ANKRD16: variants seen among roughly 807,000 people sequenced by gnomAD.
The protein encoded by ANKRD16 is ankyrin repeat domain-containing protein 16.
A neutral mutation model predicts 37.9 loss-of-function variants in ANKRD16; 35 were observed. The observed-to-expected ratio is 0.92, with a 90% confidence interval of 0.71 to 1.23. ANKRD16 has a LOEUF of 1.23. Ranked by LOEUF, ANKRD16 falls within the 50% of genes most tolerant of loss-of-function variation. The pLI, the probability that ANKRD16 is intolerant of heterozygous loss-of-function variation, is 0.00. For missense variants in ANKRD16, 480 were observed against 469.9 expected (o/e 1.02, Z -0.20); for synonymous variants, 206 against 197.2 (o/e 1.04, Z -0.37).
At chr10:5,881,081 G>A in intron 5 of ANKRD16, 1 of 830,018 alleles carries the variant, frequency 1.2e-6, no homozygotes, top group South Asian at 5.6e-5. Context: ...TTACAGGTGT[G>A]AGCCACTGCG....
At position 5,864,456 on chromosome 10, in the gene ANKRD16, T is replaced by G. The variant is rs116971003; in HGVS notation, c.*34-1765A>C. Among the ~76,000 whole-genome samples, 21 of 152,250 alleles carry G rather than the reference T, an allele frequency of 1.4e-4. 2 individuals carry two copies. In the East Asian group the frequency reaches 4.1e-3, roughly 29 times the overall value. On this transcript the variant is annotated intron_variant, in intron 7 of 7. Coordinates refer to ENST00000380094, the MANE Select transcript of ANKRD16 (RefSeq NM_019046.3). This position sits in a 1 kb window ranked among gnomAD's most constrained non-coding sequence, Gnocchi z 4.4. ...GATTTAAAGCAGATCAAGGTAGACC[T>G]GGGTAAGTTTTCAGATATATCCTGA...
intron 3 of ANKRD16, among the ~76,000 whole-genome samples, 173 bp from the exon 4 acceptor site, chr10:5,884,250 A>G (rs1336114746): frequency 6.6e-6 from 1 of 152,208 alleles, no homozygotes; most frequent in Non-Finnish European, 1.5e-5. Flanking sequence ...AGCCTTCAGG[A>G]GCGTGATGGT....
rs532244818 is a variant in ANKRD16, at chr10:5,875,946, C to T, written c.*33+2151G>A. 2.6e-3 allele frequency among the ~76,000 whole-genome samples: 401 copies of T among 152,186 alleles called. 2 individuals carry two copies. Among genetic ancestry groups the T allele is most frequent in the African/African-American group, 9.2e-3 (383 of 41,514 alleles). ...TCACCCAGGCTGGAGTACAGTGGCA[C>T]GATCTCGGCTCACTGCAACCTCCGC... On this transcript the variant is annotated intron_variant, in intron 7 of 7. Transcript: ENST00000380094.
intron 7 of ANKRD16, among the ~76,000 whole-genome samples, chr10:5,867,149 C>T (rs1015526025): frequency 1.6e-4 from 25 of 152,190 alleles, no homozygotes; most frequent in Admixed American, 6.5e-5. Context: ...TAAGCAAGGG[C>T]GTAGCCTGAA....
chr10:5,887,946 G>T lies in ANKRD16; in HGVS notation c.436C>A (p.Arg146=), dbSNP rs752666503. ...DGWNSFHIAS[R]EGDPLILQYL... Reference sequence around the variant, plus strand: ...TGGAGGATCAGAGGGTCGCCTTCTCGACTGGCAATGTGGAAACTGTTCCAG... The same window carrying T: ...TGGAGGATCAGAGGGTCGCCTTCTCTACTGGCAATGTGGAAACTGTTCCAG... The change falls in exon 2 of 8, where the codon CGA becomes AGA. Residue 146 remains arginine, a synonymous_variant. Transcript: ENST00000380094. The T allele has an allele frequency of 4.3e-6, 7 of 1,614,132 alleles. No homozygotes were observed. The East Asian group carries it at 1.6e-4, about 36-fold the overall frequency.
At position 5,862,246 on chromosome 10, in the gene ANKRD16, A is replaced by T; in HGVS notation, c.*479T>A. On this transcript the variant is annotated 3_prime_UTR_variant, in exon 8 of 8. Transcript: ENST00000380094. This position sits in a 1 kb window ranked among gnomAD's most constrained non-coding sequence, Gnocchi z 6.5. ...GTTCCAGAGAGTTCTCTGGCTAAAG[A>T]CTGCTGCTGCATCTGTTAGGCAATG... The T allele has an allele frequency of 2.9e-6, 1 of 349,260 alleles. No individual in the cohort carries two copies. Among genetic ancestry groups the T allele is most frequent in the South Asian group, 2.3e-5 (1 of 44,224 alleles). The allele number at this position is 349,260 out of a possible 1,614,324, so 21.6% of individuals were successfully genotyped here.
rs1316541184 is a variant in ANKRD16 at position 5,887,846 on chromosome 10, C to T, written c.535+1G>A. 2 of 1,612,502 alleles carry T rather than the reference C, an allele frequency of 1.2e-6. No homozygotes were observed. The highest frequency in any genetic ancestry group is 1.1e-5 in the South Asian group (1 of 90,844). On this transcript the variant is annotated splice_donor_variant, in intron 2 of 7. Coordinates refer to ENST00000380094, the MANE Select transcript of ANKRD16 (RefSeq NM_019046.3). LOFTEE classifies it high-confidence loss of function. ...CTCACCTGCAGAGCTGTAGGCTGTA[C>T]CTGCAGTATGCAGAGGAGTCCTTCT...
intron 6 of ANKRD16, among the ~76,000 whole-genome samples, chr10:5,879,727 T>TTTAAGTAACA (rs151321997): frequency 2.0e-5 from 3 of 151,582 alleles, no homozygotes; most frequent in Non-Finnish European, 2.9e-5. Flanking sequence ...GCATATATTG[T>TTTAAGTAACA]TATGGTTTAA....
At chr10:5,867,907 C>G (rs1365869436) in intron 7 of ANKRD16, among the ~76,000 whole-genome samples, 1 of 152,208 alleles carries the variant, frequency 6.6e-6, no homozygotes, top group Non-Finnish European at 1.5e-5. Context: ...TGGACCTCCT[C>G]ACTGCTGAGA....
chr10:5,879,303 G>A (rs1842242962), intron 6 of ANKRD16, among the ~76,000 whole-genome samples: 2 of 152,070 alleles, frequency 1.3e-5, no homozygotes, highest in Non-Finnish European at 2.9e-5. Context: ...GTGAAACCCT[G>A]TCTCTACTAA....
chr10:5,888,492 T>C (rs925095992), intron 1 of ANKRD16, among the ~76,000 whole-genome samples: 8 of 152,188 alleles, frequency 5.3e-5, no homozygotes, highest in African/African-American at 1.9e-4. Flanking sequence ...AGTACTAAAA[T>C]CAGTGTCAAT....
chr10:5,873,918 G>C (rs1842144969), intron 7 of ANKRD16, among the ~76,000 whole-genome samples: 1 of 150,774 alleles, frequency 6.6e-6, no homozygotes. Flanking sequence ...TTTTGAGACG[G>C]CGTCTCGCTC....
chr10:5,889,403 G>A lies in ANKRD16; in HGVS notation c.-49C>T, dbSNP rs1842552157. On this transcript the variant is annotated 5_prime_UTR_variant, in exon 1 of 8. Transcript: ENST00000380094. Reference sequence around the variant, plus strand: ...GCGGGGAGGCGGCGGGCGGGACACCGGCGGCCGGGCAGGGAGAAGCCGAGG... The same window carrying A: ...GCGGGGAGGCGGCGGGCGGGACACCAGCGGCCGGGCAGGGAGAAGCCGAGG... The A allele has an allele frequency of 2.6e-6, 3 of 1,156,402 alleles. No individual in the cohort carries two copies. 71.6% of individuals were successfully genotyped at this position (1,156,402 alleles called of 1,614,324 possible).
In ANKRD16 at chr10:5,870,269, C is replaced by T. The variant is rs554445936; in HGVS notation, c.*34-7578G>A. Among the ~76,000 whole-genome samples, 105 of 152,226 alleles carry T rather than the reference C, an allele frequency of 6.9e-4. No homozygotes were observed. Among genetic ancestry groups the T allele is most frequent in the African/African-American group, 2.4e-3 (98 of 41,532 alleles). ...TCACCGACCCCTTCACGGAGGCCCCCAGTGCACCTGCGCAGTGAGGTCAGC... is the reference window on the plus strand; with the variant it reads ...TCACCGACCCCTTCACGGAGGCCCCTAGTGCACCTGCGCAGTGAGGTCAGC... On this transcript the variant is annotated intron_variant, in intron 7 of 7. Transcript: ENST00000380094. The surrounding 1 kb of genome is among the most constrained non-coding windows in gnomAD (Gnocchi z 5.0).
rs1207860001 is a variant in ANKRD16 at position 5,868,191 on chromosome 10, A to T, written c.*34-5500T>A. On this transcript the variant is annotated intron_variant, in intron 7 of 7. Coordinates refer to ENST00000380094, the MANE Select transcript of ANKRD16 (RefSeq NM_019046.3). The surrounding 1 kb of genome is among the most constrained non-coding windows in gnomAD (Gnocchi z 4.9). ...TCTAGGATCGAGGCCATCAAGCTAC[A>T]GATGGTCTTACAAATGGAACCCCAA... Among the ~76,000 whole-genome samples the T allele has an allele frequency of 6.6e-6, 1 of 152,212 alleles. No individual in the cohort carries two copies. The highest frequency in any genetic ancestry group is 1.5e-5 in the Non-Finnish European group (1 of 68,038).
intron 7 of ANKRD16, among the ~76,000 whole-genome samples, chr10:5,876,177 C>A (rs1842182609): frequency 6.6e-6 from 1 of 152,222 alleles, no homozygotes. Flanking sequence ...AGCCACCGCG[C>A]CCAGCCCACG....
In ANKRD16 at chr10:5,870,886, G is replaced by A. The variant is rs557023973; in HGVS notation, c.*33+7211C>T. On this transcript the variant is annotated intron_variant, in intron 7 of 7. Coordinates refer to ENST00000380094, the MANE Select transcript of ANKRD16 (RefSeq NM_019046.3). The surrounding 1 kb of genome is among the most constrained non-coding windows in gnomAD (Gnocchi z 5.0). ...CCAGAAGCTGCACAGAGCATGGGCC[G>A]ATAAATGCATCCACTCCCCGTGCTT... 1.4e-4 allele frequency among the ~76,000 whole-genome samples: 22 copies of A among 152,268 alleles called. No homozygotes were observed. The highest frequency in any genetic ancestry group is 4.8e-4 in the African/African-American group (20 of 41,554).
rs755940916 is a variant in ANKRD16, at chr10:5,862,733, A to G, written c.*34-42T>C. Reference sequence around the variant, plus strand: ...ATTATCATCTCAGTTTACAGATGAAACAGAAGCTCAGAGAGGGCAAGCAGC... The same window carrying G: ...ATTATCATCTCAGTTTACAGATGAAGCAGAAGCTCAGAGAGGGCAAGCAGC... On this transcript the variant is annotated intron_variant, in intron 7 of 7. Transcript: ENST00000380094. The surrounding 1 kb of genome is among the most constrained non-coding windows in gnomAD (Gnocchi z 6.5). The G allele has an allele frequency of 1.6e-6, 2 of 1,268,954 alleles. No homozygotes were observed. The highest frequency in any genetic ancestry group is 2.5e-5 in the South Asian group (2 of 80,634). The allele number at this position is 1,268,954 out of a possible 1,614,324, so 78.6% of individuals were successfully genotyped here.
chr10:5,882,485 C>CAAA (rs757959621), intron 5 of ANKRD16, among the ~76,000 whole-genome samples: 26 of 135,010 alleles, frequency 1.9e-4, no homozygotes, highest in Non-Finnish European at 2.4e-4. Flanking sequence ...ACAAACAAAC[C>CAAA]AAAAAAAAAA....
Sources: allele counts gnomAD v4.1 joint callset (sites outside exome capture counted in the v4.1 genomes callset), GRCh38; gene constraint gnomAD v4.1.1; non-coding constraint Gnocchi (gnomAD v3.1); transcripts MANE v1.5; gene names NCBI Gene and HGNC (gene_info 2026-07-23, HGNC 2026-07-21).